The following PPARG variants were observed in gnomAD, a reference collection of about 807,000 sequenced individuals.
The protein encoded by PPARG is peroxisome proliferator activated receptor gamma.
In PPARG, 17 loss-of-function variants were observed where a neutral mutation model predicts 39.2. The ratio of observed to expected loss-of-function variants is 0.43; its 90% CI spans 0.30 to 0.65. The LOEUF is 0.65. PPARG is among the 30% of genes least tolerant of loss of function. The pLI is 0.13. For missense variants in PPARG, 406 were observed against 585.9 expected, an observed-to-expected ratio of 0.69 and a Z score of 3.17; for synonymous variants, 223 against 215.7, an observed-to-expected ratio of 1.03 and a Z score of -0.30.
chr3:12,325,650 T>A (rs986183835), intron 2 of PPARG, among the ~76,000 whole-genome samples: 1 of 151,368 alleles, frequency 6.6e-6, no homozygotes. Context: ...CTCTTCCCAG[T>A]CTTTTTTCTC....
At chr3:12,388,430 C>T (rs1423285027) in intron 4 of PPARG, among the ~76,000 whole-genome samples, 3 of 152,150 alleles carry the variant, frequency 2.0e-5, no homozygotes, top group Non-Finnish European at 4.4e-5. Flanking sequence ...AGCATTGCCC[C>T]AAAGGCAGAT....
intron 2 of PPARG, among the ~76,000 whole-genome samples, chr3:12,363,345 A>T (rs140751966): frequency 6.6e-6 from 1 of 152,238 alleles, no homozygotes; most frequent in Non-Finnish European, 1.5e-5. Flanking sequence ...AAAATCTTCA[A>T]ATCAGCTCAT....
chr3:12,425,202 C>G (rs988250355), intron 7 of PPARG, among the ~76,000 whole-genome samples: 20 of 152,170 alleles, frequency 1.3e-4, no homozygotes, highest in Non-Finnish European at 2.8e-4. Context: ...CGTCCTGTGG[C>G]CCCCGAAGGA....
rs766700866 is a variant in PPARG, at chr3:12,433,980, G to A, written c.1263G>A (p.Leu421=). ...AAGCCCTGGAGCTCCAGCTGAAGCT[G>A]AACCACCCTGAGTCCTCACAGCTGT... is the stretch of plus-strand genomic sequence containing the variant. ...LLQALELQLK[L]NHPESSQLFA... is the part of the protein sequence containing the mutation. The change falls in exon 8 of 8, where the codon CTG becomes CTA. Residue 421 remains leucine (L), a synonymous_variant. Coordinates refer to ENST00000651735, the MANE Select transcript of PPARG (RefSeq NM_138711.6). 1.9e-6 allele frequency: 3 copies of A among 1,614,088 alleles called. No individual in the cohort carries two copies. The East Asian group carries it at 6.7e-5, about 36-fold the overall frequency.
intron 5 of PPARG, among the ~76,000 whole-genome samples, chr3:12,400,133 T>G (rs2050422123): frequency 6.6e-6 from 1 of 152,226 alleles, no homozygotes; most frequent in Admixed American, 6.5e-5. Context: ...TGATAATGAT[T>G]GCAAATTCAT....
intron 4 of PPARG, among the ~76,000 whole-genome samples, chr3:12,386,567 A>C (rs116170655): frequency 0.013 from 2,028 of 151,828 alleles, 56 homozygotes; most frequent in African/African-American, 0.046. Context: ...AAAACCCATT[A>C]ACGAGGGAAA....
intron 1 of PPARG, chr3:12,301,482 TATC>T (rs2046924831): frequency 6.6e-6 from 1 of 152,212 alleles, no homozygotes; most frequent in African/African-American, 2.4e-5. Flanking sequence ...TCACAAGTAT[TATC>T]ATCACAATTA....
At chr3:12,359,019 A>G (rs1477181052) in intron 2 of PPARG, among the ~76,000 whole-genome samples, 1 of 152,202 alleles carries the variant, frequency 6.6e-6, no homozygotes, top group African/African-American at 2.4e-5. Context: ...CATGTCTACC[A>G]GAAAGCTATC....
intron 2 of PPARG, among the ~76,000 whole-genome samples, chr3:12,328,571 T>C (rs1366933112): frequency 6.6e-6 from 1 of 152,152 alleles, no homozygotes; most frequent in African/African-American, 2.4e-5. Flanking sequence ...TGCCTGAGCT[T>C]TCCACTAGGC....
chr3:12,399,555 C>T (rs1472282272), intron 5 of PPARG: 2 of 250,652 alleles, frequency 8.0e-6, no homozygotes, highest in African/African-American at 4.7e-5. Context: ...CTACTGTGCT[C>T]CAGCCCAGGC....
intron 5 of PPARG, among the ~76,000 whole-genome samples, chr3:12,400,476 C>T (rs78961312): frequency 0.018 from 2,693 of 152,282 alleles, 87 homozygotes; most frequent in African/African-American, 0.061. Context: ...TAAAGGAATG[C>T]CAATATGCTT....
chr3:12,296,043 G>A (rs1328506657), intron 1 of PPARG, among the ~76,000 whole-genome samples: 6 of 151,846 alleles, frequency 4.0e-5, no homozygotes, highest in Non-Finnish European at 8.8e-5. Flanking sequence ...CTTGAGGCCA[G>A]GAGTTTGAGA....
chr3:12,404,623 G>A (rs1390536325), intron 5 of PPARG, among the ~76,000 whole-genome samples: 2 of 152,126 alleles, frequency 1.3e-5, no homozygotes, highest in Non-Finnish European at 2.9e-5. Context: ...GGACAACGTG[G>A]TAAAACCCTG....
At chr3:12,331,674 A>C (rs577083006) in intron 2 of PPARG, among the ~76,000 whole-genome samples, 7 of 152,312 alleles carry the variant, frequency 4.6e-5, no homozygotes, top group Admixed American at 1.3e-4. Context: ...TCCAGTTGGT[A>C]AGTGGAAGAG....
At chr3:12,430,567 G>A (rs932064201) in intron 7 of PPARG, among the ~76,000 whole-genome samples, 4 of 152,182 alleles carry the variant, frequency 2.6e-5, no homozygotes, top group Non-Finnish European at 1.5e-5. Context: ...TGACCTCATG[G>A]GGTTATTGTG....
In PPARG at chr3:12,416,746, G is replaced by T; in HGVS notation, c.772G>T (p.Asp258Tyr). ...YDMNSLMMGE[D>Y]KIKFKHITPL... Reference sequence around the variant, plus strand: ...CATGAATTCCTTAATGATGGGAGAAGATAAAATCAAGTTCAAACACATCAC... The same window carrying T: ...CATGAATTCCTTAATGATGGGAGAATATAAAATCAAGTTCAAACACATCAC... The change falls in exon 7 of 8, where the codon GAT becomes TAT. Residue 258 changes from aspartate to tyrosine, a missense_variant. Coordinates refer to ENST00000651735, the MANE Select transcript of PPARG (RefSeq NM_138711.6). 1 of 1,614,074 alleles carries T rather than the reference G, an allele frequency of 6.2e-7. No homozygotes were observed. The highest frequency in any genetic ancestry group is 8.5e-7 in the Non-Finnish European group (1 of 1,179,972).
intron 1 of PPARG, among the ~76,000 whole-genome samples, chr3:12,295,433 A>G (rs867389627): frequency 2.6e-5 from 4 of 152,134 alleles, no homozygotes; most frequent in Admixed American, 6.6e-5. Context: ...AGAATTTGGA[A>G]CTGATTAGAA....
At position 12,416,967 on chromosome 3, in the gene PPARG, G is replaced by C. The variant is rs780294601; in HGVS notation, c.993G>C (p.Leu331Phe). The C allele has an allele frequency of 3.4e-5, 55 of 1,613,920 alleles. No homozygotes were observed. Among genetic ancestry groups the C allele is most frequent in the Non-Finnish European group, 4.4e-5 (52 of 1,180,010 alleles). ...TCATTTACACAATGCTGGCCTCCTT[G>C]ATGAATAAAGATGGGGTTCTCATAT... ...HEIIYTMLAS[L>F]MNKDGVLISE... The change falls in exon 7 of 8, where the codon TTG (leucine) becomes TTC (phenylalanine). Residue 331 changes from leucine (L) to phenylalanine (F), a missense_variant. Coordinates refer to ENST00000651735, the MANE Select transcript of PPARG (RefSeq NM_138711.6).
At chr3:12,417,901 C>CTTTTTTTTTTTTTTTTT (rs1559533744) in intron 7 of PPARG, among the ~76,000 whole-genome samples, 3 of 46,156 alleles carry the variant, frequency 6.5e-5, no homozygotes, top group Non-Finnish European at 1.2e-4. Context: ...TTTTTTTTTT[C>CTTTTTTTTTTTTTTTTT]CTTTTTTTTT....
Sources: gnomAD v4.1 joint callset for allele counts (sites outside exome capture counted in the v4.1 genomes callset) on GRCh38, gnomAD v4.1.1 for gene constraint, MANE v1.5 for transcripts, NCBI Gene and HGNC (gene_info 2026-07-23, HGNC 2026-07-21) for gene names.